The following BRCA2 variants were observed in gnomAD, a reference collection of about 807,000 sequenced individuals.
BRCA2 encodes the protein breast cancer type 2 susceptibility protein.
A neutral mutation model predicts 276.7 loss-of-function variants in BRCA2; 203 were observed. The ratio of observed to expected loss-of-function variants is 0.73; its 90% CI spans 0.65 to 0.82. The LOEUF (loss-of-function observed/expected upper bound fraction) is 0.82, where lower values mean the gene tolerates loss of function less well. BRCA2 is among the 40% of genes least tolerant of loss of function. The pLI is 0.00. For synonymous variants in BRCA2, 1,289 were observed against 1,338.4 expected (o/e 0.96, Z 0.81); for missense variants, 3,920 against 3,915.0 (o/e 1.00, Z -0.03).
At chr13:32,369,718 C>G (rs1016079246) in intron 18 of BRCA2, among the ~76,000 whole-genome samples, 3 of 152,074 alleles carry the variant, frequency 2.0e-5, no homozygotes, top group African/African-American at 7.2e-5. Context: ...GGATTACAGG[C>G]GCCCACCACC....
chr13:32,376,187 T>C (rs2072870130), intron 20 of BRCA2, among the ~76,000 whole-genome samples: 1 of 152,176 alleles, frequency 6.6e-6, no homozygotes, highest in South Asian at 2.1e-4. Context: ...ATGACTTTTT[T>C]TTTTTTTAAA....
Position 32,338,338 on chromosome 13 carries a change from G to C in BRCA2, c.3983G>C (p.Ser1328Thr), listed in dbSNP as rs753690365. ...ENEDNKYTAA[S>T]RNSHNLEFDG... ...GAAGATAACAAATATACTGCTGCCAGTAGAAATTCTCATAACTTAGAATTT... is the reference window on the plus strand; with the variant it reads ...GAAGATAACAAATATACTGCTGCCACTAGAAATTCTCATAACTTAGAATTT... Residue 1328 changes from serine to threonine, a missense_variant, in exon 11 of 27, where the codon AGT (serine) becomes ACT (threonine). Ser to Thr is a moderately conservative substitution (Grantham distance 58). Transcript: ENST00000380152. 6.3e-7 allele frequency: 1 copy of C among 1,584,752 alleles called. No individual in the cohort carries two copies. The highest frequency in any genetic ancestry group is 8.6e-7 in the Non-Finnish European group (1 of 1,168,250).
At chr13:32,357,639 A>T in intron 15 of BRCA2, 103 bp from the exon 16 acceptor site, 1 of 1,221,240 alleles carries the variant, frequency 8.2e-7, no homozygotes, top group Non-Finnish European at 1.1e-6. Context: ...GTTAATGAAA[A>T]TTTTTGGTAA....
intron 11 of BRCA2, among the ~76,000 whole-genome samples, chr13:32,343,480 A>G (rs969678989): frequency 4.6e-5 from 7 of 152,226 alleles, no homozygotes; most frequent in Non-Finnish European, 1.0e-4. Flanking sequence ...TCTGGTGGAT[A>G]CAGATTTACT....
intron 24 of BRCA2, among the ~76,000 whole-genome samples, chr13:32,382,344 T>C (rs1259333019): frequency 1.3e-5 from 2 of 152,174 alleles, no homozygotes; most frequent in African/African-American, 4.8e-5. Flanking sequence ...AAGACCTGAT[T>C]GAAGCCTTTT....
intron 11 of BRCA2, 111 bp downstream of exon 11, chr13:32,341,307 C>T (rs2072567901): frequency 4.0e-6 from 6 of 1,491,294 alleles, no homozygotes; most frequent in Non-Finnish European, 5.6e-6. Flanking sequence ...TCTTTTCAGC[C>T]ATTTTTGTGT....
At chr13:32,370,640 G>T in intron 19 of BRCA2, 83 bp downstream of exon 19, 1 of 1,458,944 alleles carries the variant, frequency 6.9e-7, no homozygotes, top group Non-Finnish European at 9.5e-7. Flanking sequence ...TGGAGTTTCG[G>T]TCTCTTGCCC....
chr13:32,380,806 C>T (rs2072920097), intron 24 of BRCA2, among the ~76,000 whole-genome samples: 1 of 152,110 alleles, frequency 6.6e-6, no homozygotes, highest in African/African-American at 2.4e-5. Context: ...TCCCAAAGTG[C>T]TGGGATTACA....
chr13:32,341,924 C>G (rs1157845024), intron 11 of BRCA2, among the ~76,000 whole-genome samples: 1 of 151,302 alleles, frequency 6.6e-6, no homozygotes, highest in East Asian at 2.0e-4. Flanking sequence ...ATATATACTA[C>G]TTAGTTACAC....
At chr13:32,335,560 A>T (rs570508065) in intron 10 of BRCA2, among the ~76,000 whole-genome samples, 13 of 152,182 alleles carry the variant, frequency 8.5e-5, no homozygotes, top group African/African-American at 3.1e-4. Context: ...GAATTAAGAA[A>T]ATTGTTACTT....
intron 14 of BRCA2, among the ~76,000 whole-genome samples, chr13:32,355,906 A>G (rs959361592): frequency 1.3e-5 from 2 of 151,870 alleles, no homozygotes; most frequent in South Asian, 4.2e-4. Context: ...AATAGTAAAG[A>G]TATTCATATT....
At chr13:32,324,406 A>G (rs74044999) in intron 3 of BRCA2, among the ~76,000 whole-genome samples, 8 of 152,364 alleles carry the variant, frequency 5.3e-5, no homozygotes, top group African/African-American at 1.9e-4. Context: ...CTGTAAAAGA[A>G]TGGCATCATA....
chr13:32,363,659 A>G, intron 18 of BRCA2, 126 bp downstream of exon 18: 1 of 909,296 alleles, frequency 1.1e-6, no homozygotes, highest in Non-Finnish European at 1.7e-6. Context: ...TAATTTTAGT[A>G]TAAAAAGCAT....
intron 10 of BRCA2, 125 bp from the exon 11 acceptor site, chr13:32,336,140 A>G: frequency 2.7e-6 from 3 of 1,106,416 alleles, no homozygotes; most frequent in Non-Finnish European, 3.8e-6. Context: ...TCAGCCTCCC[A>G]AAAGTGCTGA....
intron 20 of BRCA2, among the ~76,000 whole-genome samples, chr13:32,372,801 A>C (rs549628626): frequency 1.3e-5 from 2 of 152,250 alleles, no homozygotes; most frequent in South Asian, 4.1e-4. Context: ...TTCAAGTCCA[A>C]AGTCTTCATC....
chr13:32,379,635 CACT>C lies in BRCA2; in HGVS notation c.8954-110_8954-108del. The C allele has an allele frequency of 2.0e-6, 3 of 1,499,982 alleles. No individual in the cohort carries two copies. The South Asian group carries it at 3.5e-5, about 18-fold the overall frequency. 92.9% of individuals were successfully genotyped at this position (1,499,982 alleles called of 1,614,324 possible). On this transcript the variant is annotated intron_variant, in intron 22 of 26. Transcript: ENST00000380152. ...TAGTTTATATCAGAGAAGCAAAATC[CACT>C]ACTAATGCCCACAAAGAGATAATAT...
chr13:32,394,936 A>T lies in BRCA2; in HGVS notation c.9501+3A>T, dbSNP rs61757642. ...ACAAAATGAAAAATACTGTTGAGGTAAGGTTACTTTTCAGCATCACCACAC... is the reference window on the plus strand; with the variant it reads ...ACAAAATGAAAAATACTGTTGAGGTTAGGTTACTTTTCAGCATCACCACAC... On this transcript the variant is annotated splice_donor_region_variant and intron_variant, in intron 25 of 26. Coordinates refer to ENST00000380152, the MANE Select transcript of BRCA2 (RefSeq NM_000059.4). The T allele has an allele frequency of 9.9e-5, 160 of 1,613,894 alleles. No individual in the cohort carries two copies. Among genetic ancestry groups the T allele is most frequent in the Admixed American group, 1.5e-4 (9 of 59,998 alleles).
rs81002855 is a variant in BRCA2, at chr13:32,329,434, A to G, written c.632-9A>G. 2.5e-6 allele frequency: 4 copies of G among 1,585,960 alleles called. No homozygotes were observed. Among genetic ancestry groups the G allele is most frequent in the Middle Eastern group, 1.7e-4 (1 of 6,002 alleles). ...TAATATACAATACACATAAATTTTT[A>G]TCTTACAGTCAGAAATGAAGAAGCA... is the stretch of plus-strand genomic sequence containing the variant. On this transcript the variant is annotated splice_polypyrimidine_tract_variant and intron_variant, in intron 7 of 26. Transcript: ENST00000380152.
chr13:32,334,191 G>C (rs781697447), intron 10 of BRCA2, among the ~76,000 whole-genome samples: 2 of 152,162 alleles, frequency 1.3e-5, no homozygotes, highest in Non-Finnish European at 2.9e-5. Flanking sequence ...TTGAGGAATT[G>C]CCACACTGTC....
Sources: allele counts gnomAD v4.1 joint callset (sites outside exome capture counted in the v4.1 genomes callset), GRCh38; gene constraint gnomAD v4.1.1; transcripts MANE v1.5; gene names NCBI Gene and HGNC (gene_info 2026-07-23, HGNC 2026-07-21).